Variants in TTC9 observed in about 807,000 individuals in gnomAD.
The protein encoded by TTC9 is tetratricopeptide repeat protein 9A.
A neutral mutation model predicts 22.9 loss-of-function variants in TTC9; 13 were observed. The ratio of observed to expected loss-of-function variants is 0.57; its 90% CI spans 0.37 to 0.90. TTC9 has a LOEUF of 0.90. Ranked by LOEUF, TTC9 falls within the 40% of genes least tolerant of loss-of-function variation. The probability of loss-of-function intolerance (pLI) is 0.01; values close to 1 mark genes in which losing one functional copy is unlikely to be tolerated. For synonymous variants in TTC9, 148 were observed against 133.2 expected (o/e 1.11, Z -0.77); for missense variants, 280 against 291.8 (o/e 0.96, Z 0.29).
At chr14:70,664,606 G>T (rs1460979597) in intron 1 of TTC9, among the ~76,000 whole-genome samples, 1 of 152,028 alleles carries the variant, frequency 6.6e-6, no homozygotes, top group East Asian at 1.9e-4. Context: ...GGCATCTGTA[G>T]TAGTCCCAGC....
At chr14:70,663,496 G>A (rs568866876) in intron 1 of TTC9, among the ~76,000 whole-genome samples, 1 of 152,328 alleles carries the variant, frequency 6.6e-6, no homozygotes, top group South Asian at 2.1e-4. Flanking sequence ...AATGTCAATA[G>A]TGCTGAGGCT....
At chr14:70,670,958 C>A in intron 2 of TTC9, 118 bp from the exon 3 acceptor site, 1 of 889,810 alleles carries the variant, frequency 1.1e-6, no homozygotes, top group Non-Finnish European at 1.7e-6. Context: ...GCAGAAGGGA[C>A]CTTGGTTGAG....
intron 1 of TTC9, among the ~76,000 whole-genome samples, chr14:70,651,401 C>T (rs1885983063): frequency 1.4e-5 from 2 of 143,482 alleles, no homozygotes; most frequent in Admixed American, 1.3e-4. Context: ...GAGTAATTTG[C>T]ATTTTAAAAA....
Position 70,642,260 on chromosome 14 carries a change from T to A in TTC9, c.131T>A (p.Val44Asp). Residue 44 changes from valine (V) to aspartate (D), a missense_variant, in exon 1 of 3, where the codon GTC (valine) becomes GAC (aspartate). Coordinates refer to ENST00000256367, the MANE Select transcript of TTC9 (RefSeq NM_015351.2). ...GGAGGAGCCCCAGCGAGGGGCCAGG[T>A]CGGGGCGGCGGCCGAGCCGGCCGAG... ...GGGGAPARGQ[V>D]GAAAEPAELI... 1 of 1,488,996 alleles carries A rather than the reference T, an allele frequency of 6.7e-7. No individual in the cohort carries two copies. The highest frequency in any genetic ancestry group is 1.3e-5 in the South Asian group (1 of 78,030). 92.2% of individuals were successfully genotyped at this position (1,488,996 alleles called of 1,614,324 possible).
chr14:70,663,776 CA>C (rs1295777416), intron 1 of TTC9, among the ~76,000 whole-genome samples: 1 of 152,188 alleles, frequency 6.6e-6, no homozygotes, highest in Non-Finnish European at 1.5e-5. Flanking sequence ...AGTTAGGCAT[CA>C]ATTTTTGCTT....
At chr14:70,654,973 T>G (rs1594737477) in intron 1 of TTC9, among the ~76,000 whole-genome samples, 1 of 152,364 alleles carries the variant, frequency 6.6e-6, no homozygotes, top group South Asian at 2.1e-4. Flanking sequence ...GCAGACTGTT[T>G]ACACATCCAG....
At chr14:70,667,867 G>C in intron 2 of TTC9, 121 bp downstream of exon 2, 1 of 951,398 alleles carries the variant, frequency 1.1e-6, no homozygotes, top group Middle Eastern at 2.7e-4. Flanking sequence ...CAAAATTAGG[G>C]ATCAGATATA....
intron 1 of TTC9, among the ~76,000 whole-genome samples, chr14:70,647,993 G>A (rs1483660532): frequency 6.6e-6 from 1 of 152,154 alleles, no homozygotes; most frequent in Non-Finnish European, 1.5e-5. Flanking sequence ...AACAGATGTT[G>A]GTGTAAAGAT....
chr14:70,655,350 C>A (rs1311171020), intron 1 of TTC9, among the ~76,000 whole-genome samples: 1 of 151,918 alleles, frequency 6.6e-6, no homozygotes, highest in Non-Finnish European at 1.5e-5. Flanking sequence ...GCCGAGATCG[C>A]GCCACTGCTC....
chr14:70,671,413 G>T lies in TTC9; in HGVS notation c.*258G>T. ...AGCGACTGAGAGGGGCCTGACTTCT[G>T]CTGGGACAGCTGGAGAGGAGTCTCA... On this transcript the variant is annotated 3_prime_UTR_variant, in exon 3 of 3. Coordinates refer to ENST00000256367, the MANE Select transcript of TTC9 (RefSeq NM_015351.2). 2.6e-6 allele frequency: 1 copy of T among 387,168 alleles called. No individual in the cohort carries two copies. Among genetic ancestry groups the T allele is most frequent in the Non-Finnish European group, 4.9e-6 (1 of 204,816 alleles). The allele number at this position is 387,168 out of a possible 1,614,324, so 24.0% of individuals were successfully genotyped here. A position where few individuals can be genotyped will look rare whatever the true frequency, so the allele number is the denominator to read the frequency against.
intron 1 of TTC9, among the ~76,000 whole-genome samples, chr14:70,660,467 C>G (rs914905680): frequency 9.2e-5 from 14 of 152,222 alleles, no homozygotes; most frequent in African/African-American, 1.9e-4. Flanking sequence ...TGATAAGTGA[C>G]TTTCTAAAGA....
At chr14:70,670,292 C>T (rs991450492) in intron 2 of TTC9, among the ~76,000 whole-genome samples, 3 of 152,132 alleles carry the variant, frequency 2.0e-5, no homozygotes, top group African/African-American at 4.8e-5. Flanking sequence ...ACATACCTTG[C>T]GGGATTGTAT....
chr14:70,655,992 C>T (rs1355942319), intron 1 of TTC9, among the ~76,000 whole-genome samples: 1 of 152,098 alleles, frequency 6.6e-6, no homozygotes, highest in Admixed American at 6.6e-5. Context: ...CTCAGATTCC[C>T]TTCATTTCAT....
At position 70,642,037 on chromosome 14, in the gene TTC9, C is replaced by T. The variant is rs1885817609; in HGVS notation, c.-93C>T. On this transcript the variant is annotated 5_prime_UTR_variant, in exon 1 of 3. Coordinates refer to ENST00000256367, the MANE Select transcript of TTC9 (RefSeq NM_015351.2). ...CCACGAAGCCTGCGAGGCGCGGGGC[C>T]GGCGCCCGCGGCTTTTAAACCCGGG... The T allele has an allele frequency of 5.6e-6, 5 of 892,604 alleles. No homozygotes were observed. The highest frequency in any genetic ancestry group is 1.1e-4 in the East Asian group (1 of 8,918). 55.3% of individuals were successfully genotyped at this position (892,604 alleles called of 1,614,324 possible).
chr14:70,649,444 T>C (rs1404480173), intron 1 of TTC9, among the ~76,000 whole-genome samples: 1 of 90,610 alleles, frequency 1.1e-5, no homozygotes, highest in African/African-American at 3.0e-5. Flanking sequence ...TGAACTTATG[T>C]ATATATAATT....
chr14:70,667,507 A>G (rs1447591627), intron 1 of TTC9, 57 bp from the exon 2 acceptor site: 1 of 1,595,322 alleles, frequency 6.3e-7, no homozygotes, highest in Admixed American at 1.7e-5. Flanking sequence ...ACTCAAGGGA[A>G]ACATGCAGAG....
chr14:70,650,273 A>C (rs1202680791), intron 1 of TTC9, among the ~76,000 whole-genome samples: 2 of 152,188 alleles, frequency 1.3e-5, no homozygotes, highest in Non-Finnish European at 2.9e-5. Context: ...AAATACAAAA[A>C]TTAGCTGGGC....
In TTC9 at chr14:70,642,338, A is replaced by G. The variant is rs766259349; in HGVS notation, c.209A>G (p.Asp70Gly). ...FKSQGAQCYK[D>G]KKFREAIGKY... ...AGCCAAGGGGCGCAGTGCTACAAGGACAAGAAATTCCGTGAAGCCATAGGC... is the reference window on the plus strand; with the variant it reads ...AGCCAAGGGGCGCAGTGCTACAAGGGCAAGAAATTCCGTGAAGCCATAGGC... Residue 70 changes from aspartate to glycine, a missense_variant, in exon 1 of 3, where the codon GAC (aspartate) becomes GGC (glycine). Asp to Gly is a moderately conservative substitution (Grantham distance 94). Transcript: ENST00000256367. 2.5e-6 allele frequency: 4 copies of G among 1,598,230 alleles called. No homozygotes were observed. In the Admixed American group the frequency reaches 6.8e-5, roughly 27 times the overall value.
Position 70,654,587 on chromosome 14 carries a change from C to CAAAAAAAA in TTC9, c.406+12080_406+12087dup, listed in dbSNP as rs61046584. On this transcript the variant is annotated intron_variant, in intron 1 of 2. Transcript: ENST00000256367. ...CCTGGGCAACAGTAAGGCTCTGTCT[C>CAAAAAAAA]AAAAAAAAAAAAAAAAAAAAAAAAA... 5.8e-4 allele frequency among the ~76,000 whole-genome samples: 33 copies of CAAAAAAAA among 57,152 alleles called. 2 individuals are homozygous for CAAAAAAAA. The highest frequency in any genetic ancestry group is 9.0e-4 in the Admixed American group (3 of 3,324). The allele number at this position is 57,152 out of a possible 152,430, so 37.5% of individuals were successfully genotyped here.
Sources: allele counts gnomAD v4.1 joint callset (sites outside exome capture counted in the v4.1 genomes callset), GRCh38; gene constraint gnomAD v4.1.1; transcripts MANE v1.5; gene names NCBI Gene and HGNC (gene_info 2026-07-23, HGNC 2026-07-21).